The following STRIP2 variants were observed in gnomAD, a reference collection of about 807,000 sequenced individuals.
STRIP2 encodes the protein striatin-interacting protein 2.
A neutral mutation model predicts 107.1 loss-of-function variants in STRIP2; 84 were observed. The observed-to-expected ratio is 0.78, with a 90% CI of 0.66 to 0.94. The LOEUF (loss-of-function observed/expected upper bound fraction) is 0.94, where lower values mean the gene tolerates loss of function less well. STRIP2 is among the 40% of genes least tolerant of loss of function. STRIP2 has a pLI of 0.00. For missense variants in STRIP2, 888 were observed against 1,034.2 expected (o/e 0.86, Z 1.94); for synonymous variants, 394 against 400.4 (o/e 0.98, Z 0.19).
At chr7:129,482,418 C>T (rs1799149314) in intron 19 of STRIP2, among the ~76,000 whole-genome samples, 1 of 127,580 alleles carries the variant, frequency 7.8e-6, no homozygotes, top group Non-Finnish European at 1.6e-5. Context: ...TGCTCTGTCA[C>T]TCAGGCTGTA....
Position 129,454,506 on chromosome 7 carries a change from G to C in STRIP2, c.685G>C (p.Glu229Gln), listed in dbSNP as rs1231775240. 2.5e-6 allele frequency: 4 copies of C among 1,613,444 alleles called. No individual in the cohort carries two copies. The highest frequency in any genetic ancestry group is 3.4e-6 in the Non-Finnish European group (4 of 1,179,462). The change falls in exon 7 of 21, where the codon GAG (glutamate) becomes CAG (glutamine). Residue 229 changes from glutamate to glutamine, a missense_variant. Coordinates refer to ENST00000249344, the MANE Select transcript of STRIP2 (RefSeq NM_020704.3). ...CCCCTGTGGGTGGAGAACAGCCCGGGAGACCTTCCGCACTGAATTAAGTAA... is the reference window on the plus strand; with the variant it reads ...CCCCTGTGGGTGGAGAACAGCCCGGCAGACCTTCCGCACTGAATTAAGTAA... ...TDPCGWRTAR[E>Q]TFRTELSFSM...
At chr7:129,471,188 A>G (rs1798781426) in intron 18 of STRIP2, among the ~76,000 whole-genome samples, 1 of 152,184 alleles carries the variant, frequency 6.6e-6, no homozygotes, top group African/African-American at 2.4e-5. Flanking sequence ...TATAGCCACA[A>G]AAGGATAGCC....
Position 129,485,687 on chromosome 7 carries a change from C to T in STRIP2, c.2363C>T (p.Ser788Leu), listed in dbSNP as rs1295333785. The stretch of plus-strand genomic sequence containing the variant: ...GACAGACCCCAGGACTCTGAGTTTT[C>T]ACCTGTGGATAACTGCTTGCAGAGC... ...RYDRPQDSEF[S>L]PVDNCLQSVL... Residue 788 changes from serine (S) to leucine (L), a missense_variant, in exon 21 of 21, where the codon TCA becomes TTA. By Grantham distance (145) the Ser-to-Leu change is moderately radical. Transcript: ENST00000249344. The T allele has an allele frequency of 6.2e-7, 1 of 1,614,090 alleles. No homozygotes were observed. The highest frequency in any genetic ancestry group is 8.5e-7 in the Non-Finnish European group (1 of 1,180,030).
At position 129,485,719 on chromosome 7, in the gene STRIP2, G is replaced by A; in HGVS notation, c.2395G>A (p.Gly799Arg). ...PVDNCLQSVLGQRLDLPEDFH... is the reference protein window; with the variant it reads ...PVDNCLQSVLRQRLDLPEDFH... Reference sequence around the variant, plus strand: ...GGATAACTGCTTGCAGAGCGTACTGGGGCAGAGGTTGGATCTGCCTGAAGA... The same window carrying A: ...GGATAACTGCTTGCAGAGCGTACTGAGGCAGAGGTTGGATCTGCCTGAAGA... Residue 799 changes from glycine to arginine, a missense_variant, in exon 21 of 21, where the codon GGG becomes AGG. By Grantham distance (125) the Gly-to-Arg change is moderately radical (BLOSUM62 -2). Coordinates refer to ENST00000249344, the MANE Select transcript of STRIP2 (RefSeq NM_020704.3). 6.2e-7 allele frequency: 1 copy of A among 1,614,134 alleles called. No individual in the cohort carries two copies. Among genetic ancestry groups the A allele is most frequent in the Non-Finnish European group, 8.5e-7 (1 of 1,180,026 alleles).
chr7:129,460,222 T>G, intron 12 of STRIP2, 79 bp from the exon 13 acceptor site: 1 of 1,289,426 alleles, frequency 7.8e-7, no homozygotes, highest in South Asian at 1.4e-5. Context: ...TTCCTTGCTT[T>G]TGGGGAATTT....
At chr7:129,475,594 C>G in intron 18 of STRIP2, among the ~76,000 whole-genome samples, 1 of 106,702 alleles carries the variant, frequency 9.4e-6, no homozygotes, top group African/African-American at 3.4e-5. Context: ...ATTGATCATT[C>G]TTGGGTGTTT....
chr7:129,468,157 A>C (rs770956907), intron 17 of STRIP2, among the ~76,000 whole-genome samples: 19 of 152,160 alleles, frequency 1.2e-4, no homozygotes, highest in Non-Finnish European at 2.1e-4. Flanking sequence ...CTTGTTCCTT[A>C]ATATTCTACT....
Position 129,469,469 on chromosome 7 carries a change from C to G in STRIP2, c.1878-1180C>G, listed in dbSNP as rs530920310. Reference sequence around the variant, plus strand: ...ATCTTTGATTTCCCACCCCCATTTCCTGGTCGCCGGCAACTACTTTGCCAT... The same window carrying G: ...ATCTTTGATTTCCCACCCCCATTTCGTGGTCGCCGGCAACTACTTTGCCAT... On this transcript the variant is annotated intron_variant, in intron 17 of 20. Coordinates refer to ENST00000249344, the MANE Select transcript of STRIP2 (RefSeq NM_020704.3). Among the ~76,000 whole-genome samples the G allele has an allele frequency of 5.9e-5, 9 of 152,330 alleles. 1 individual carries two copies. The highest frequency in any genetic ancestry group is 1.9e-4 in the African/African-American group (8 of 41,568).
chr7:129,484,123 A>G (rs926438165), intron 20 of STRIP2, among the ~76,000 whole-genome samples: 2 of 152,120 alleles, frequency 1.3e-5, no homozygotes, highest in Non-Finnish European at 2.9e-5. Context: ...AAATACTCAC[A>G]TTCTGGATTT....
intron 17 of STRIP2, among the ~76,000 whole-genome samples, chr7:129,470,285 C>T (rs950183498): frequency 4.6e-5 from 7 of 152,222 alleles, no homozygotes; most frequent in Non-Finnish European, 1.5e-5. Flanking sequence ...TGGGTTTGGG[C>T]AGTGTCTGTG....
intron 7 of STRIP2, among the ~76,000 whole-genome samples, chr7:129,454,814 T>C (rs531799597): frequency 6.6e-6 from 1 of 152,228 alleles, no homozygotes; most frequent in East Asian, 1.9e-4. Context: ...GAGTCCCACA[T>C]GAAAAAATGA....
chr7:129,453,349 T>C lies in STRIP2; in HGVS notation c.530+2T>C. On this transcript the variant is annotated splice_donor_variant, in intron 5 of 20. Transcript: ENST00000249344. LOFTEE classifies it high-confidence loss of function. ...GGAGCTACTCCACATGGAAATTGAG[T>C]GAGAAGCCTTAGGGGAAGGGCTGGC... 3.1e-6 allele frequency: 5 copies of C among 1,614,034 alleles called. No homozygotes were observed. Among genetic ancestry groups the C allele is most frequent in the Non-Finnish European group, 4.2e-6 (5 of 1,179,976 alleles).
intron 16 of STRIP2, among the ~76,000 whole-genome samples, chr7:129,465,060 G>T (rs1275937284): frequency 6.6e-6 from 1 of 151,562 alleles, no homozygotes; most frequent in Non-Finnish European, 1.5e-5. Context: ...AAATGGGGGG[G>T]TGGGGGGAGT....
chr7:129,460,526 G>A, intron 13 of STRIP2, 154 bp downstream of exon 13: 2 of 659,002 alleles, frequency 3.0e-6, no homozygotes, highest in Non-Finnish European at 5.3e-6. Flanking sequence ...TATTGAAGTT[G>A]GGGAAGAAAG....
At chr7:129,481,782 T>C (rs1359560937) in intron 19 of STRIP2, among the ~76,000 whole-genome samples, 1 of 152,060 alleles carries the variant, frequency 6.6e-6, no homozygotes, top group Non-Finnish European at 1.5e-5. Context: ...AGTTCTGTAC[T>C]GATATGGAAT....
At position 129,485,971 on chromosome 7, in the gene STRIP2, T is replaced by C; in HGVS notation, c.*142T>C. ...GCCTAAAGATGGTGCAAGGGTGGGA[T>C]CCTGAATCACAATAAAATGATCAAC... is the stretch of plus-strand genomic sequence containing the variant. On this transcript the variant is annotated 3_prime_UTR_variant, in exon 21 of 21. Coordinates refer to ENST00000249344, the MANE Select transcript of STRIP2 (RefSeq NM_020704.3). The C allele has an allele frequency of 1.1e-6, 1 of 941,290 alleles. No individual in the cohort carries two copies. The highest frequency in any genetic ancestry group is 1.6e-6 in the Non-Finnish European group (1 of 635,592). 58.3% of individuals were successfully genotyped at this position (941,290 alleles called of 1,614,324 possible). A position where few individuals can be genotyped will look rare whatever the true frequency, so the allele number is the denominator to read the frequency against.
At chr7:129,467,250 C>A in intron 16 of STRIP2, 100 bp from the exon 17 acceptor site, 2 of 846,564 alleles carry the variant, frequency 2.4e-6, no homozygotes, top group Non-Finnish European at 3.8e-6. Flanking sequence ...TAGATATTCT[C>A]AGGAATGGAT....
chr7:129,447,129 A>C (rs537128677), intron 3 of STRIP2, among the ~76,000 whole-genome samples: 42 of 152,342 alleles, frequency 2.8e-4, no homozygotes, highest in African/African-American at 8.7e-4. Context: ...CTGCTGGGTC[A>C]TATGGCCCAA....
At chr7:129,465,985 G>A (rs1798662408) in intron 16 of STRIP2, among the ~76,000 whole-genome samples, 1 of 152,220 alleles carries the variant, frequency 6.6e-6, no homozygotes, top group African/African-American at 2.4e-5. Context: ...TACATTCGAA[G>A]ACATCTTTGG....
Sources: allele counts gnomAD v4.1 joint callset (sites outside exome capture counted in the v4.1 genomes callset), GRCh38; gene constraint gnomAD v4.1.1; transcripts MANE v1.5; gene names NCBI Gene and HGNC (gene_info 2026-07-23, HGNC 2026-07-21).